PDE4B: variants seen among roughly 807,000 people sequenced by gnomAD.
PDE4B encodes 3',5'-cyclic-AMP phosphodiesterase 4B.
A neutral mutation model predicts 82.2 loss-of-function variants in PDE4B; 20 were observed. The observed-to-expected ratio is 0.24, with a 90% CI of 0.17 to 0.35. The LOEUF is 0.35. PDE4B is among the 10% of genes least tolerant of loss of function. PDE4B has a pLI of 1.00. For missense variants in PDE4B, 655 were observed against 907.2 expected (o/e 0.72, Z 3.57); for synonymous variants, 320 against 318.9 (o/e 1.00, Z -0.04).
Position 66,372,909 on chromosome 1 carries a change from C to T in PDE4B, c.*231C>T. 6.0e-6 allele frequency: 3 copies of T among 502,218 alleles called. No individual in the cohort carries two copies. Among genetic ancestry groups the T allele is most frequent in the Non-Finnish European group, 1.1e-5 (3 of 279,562 alleles). 31.1% of individuals were successfully genotyped at this position (502,218 alleles called of 1,614,324 possible). A position where few individuals can be genotyped will look rare whatever the true frequency, so the allele number is the denominator to read the frequency against. On this transcript the variant is annotated 3_prime_UTR_variant, in exon 17 of 17. Transcript: ENST00000341517. The stretch of plus-strand genomic sequence containing the variant: ...TTGGTGGAGAGGGCTGAAGCTGTTG[C>T]TGGGGGCCGATTCTGATCAAGACAC...
chr1:65,924,368 C>T (rs1214258196), intron 3 of PDE4B, among the ~76,000 whole-genome samples: 3 of 151,700 alleles, frequency 2.0e-5, no homozygotes, highest in African/African-American at 7.3e-5. Flanking sequence ...GCCACCGCGC[C>T]CGGCCGCTAA....
At position 66,372,564 on chromosome 1, in the gene PDE4B, C is replaced by T; in HGVS notation, c.2097C>T (p.His699=). The T allele has an allele frequency of 6.2e-7, 1 of 1,614,154 alleles. No individual in the cohort carries two copies. The highest frequency in any genetic ancestry group is 8.5e-7 in the Non-Finnish European group (1 of 1,180,006). ...GACCTGAGAAGGAGGGAGAGGGACA[C>T]AGCTATTTCAGCAGCACAAAGACGC... The part of the protein sequence containing the change: ...SEGPEKEGEG[H]SYFSSTKTLC... Residue 699 remains histidine (H), a synonymous_variant, in exon 17 of 17, where the codon CAC becomes CAT. Coordinates refer to ENST00000341517, the MANE Select transcript of PDE4B (RefSeq NM_002600.4).
chr1:66,248,008 C>T (rs1192196746), intron 4 of PDE4B, among the ~76,000 whole-genome samples: 1 of 152,158 alleles, frequency 6.6e-6, no homozygotes, highest in Non-Finnish European at 1.5e-5. Flanking sequence ...GCTGTGTGTG[C>T]AGTTTTCATG....
At chr1:66,284,809 A>T (rs492833) in intron 7 of PDE4B, among the ~76,000 whole-genome samples, 93,528 of 152,100 alleles carry the variant, frequency 0.61, 29,321 homozygotes, top group African/African-American at 0.7. Flanking sequence ...CTGGGCAAAG[A>T]AAAAAGGGCT....
At chr1:66,108,027 ATATATGTATCCAT>A (rs1430527562) in intron 3 of PDE4B, among the ~76,000 whole-genome samples, 16 of 151,964 alleles carry the variant, frequency 1.1e-4, no homozygotes, top group Admixed American at 7.9e-4. Flanking sequence ...TGATGTTTTG[ATATATGTATCCAT>A]TACCTCACAT....
intron 3 of PDE4B, among the ~76,000 whole-genome samples, chr1:66,052,553 G>A (rs548109482): frequency 6.7e-4 from 72 of 108,072 alleles, no homozygotes; most frequent in Admixed American, 6.2e-3. Flanking sequence ...TTCAGGGACC[G>A]AGTTTTTTTT....
chr1:65,948,811 T>C (rs1648846841), intron 3 of PDE4B, among the ~76,000 whole-genome samples: 1 of 152,038 alleles, frequency 6.6e-6, no homozygotes, highest in South Asian at 2.1e-4. Context: ...TGCAACATCT[T>C]TCTTGTTTTT....
At chr1:65,958,601 T>C (rs1461007958) in intron 3 of PDE4B, among the ~76,000 whole-genome samples, 1 of 152,134 alleles carries the variant, frequency 6.6e-6, no homozygotes, top group Non-Finnish European at 1.5e-5. Context: ...CATGGGAAGA[T>C]TTTTTAAAAC....
At chr1:66,227,414 T>C (rs920388288) in intron 3 of PDE4B, among the ~76,000 whole-genome samples, 3 of 152,238 alleles carry the variant, frequency 2.0e-5, no homozygotes, top group African/African-American at 7.2e-5. Flanking sequence ...CAGGTTAAAA[T>C]ATTATGTACC....
intron 3 of PDE4B, among the ~76,000 whole-genome samples, chr1:66,177,116 A>G (rs1646945498): frequency 6.6e-6 from 1 of 152,244 alleles, no homozygotes; most frequent in Non-Finnish European, 1.5e-5. Context: ...ACAGTGTGAC[A>G]AGGGAGGCAG....
At chr1:65,963,903 T>C (rs138250936) in intron 3 of PDE4B, among the ~76,000 whole-genome samples, 4 of 152,314 alleles carry the variant, frequency 2.6e-5, no homozygotes, top group Admixed American at 6.5e-5. Flanking sequence ...TTTCTTTACA[T>C]TTTCCTCTCT....
intron 3 of PDE4B, among the ~76,000 whole-genome samples, chr1:65,971,086 C>T (rs1650106317): frequency 6.6e-6 from 1 of 150,418 alleles, no homozygotes. Flanking sequence ...GTGACATGGT[C>T]AGGCTGTTAT....
intron 1 of PDE4B, among the ~76,000 whole-genome samples, chr1:65,898,885 C>T (rs149146446): frequency 0.014 from 2,117 of 152,206 alleles, 61 homozygotes; most frequent in African/African-American, 0.049. Context: ...ATTGTAAAAA[C>T]CCTTCTAGAC....
intron 2 of PDE4B, among the ~76,000 whole-genome samples, chr1:65,916,755 C>T (rs1210986965): frequency 6.6e-6 from 1 of 152,006 alleles, no homozygotes; most frequent in Non-Finnish European, 1.5e-5. Context: ...GACACACACA[C>T]ACATGCACAC....
intron 3 of PDE4B, among the ~76,000 whole-genome samples, chr1:66,009,907 A>ATCTATCTG (rs78361169): frequency 0.42 from 31,753 of 75,256 alleles, 3,675 homozygotes; most frequent in Admixed American, 0.46. Flanking sequence ...CTGTATCTTT[A>ATCTATCTG]TCTATCTATC....
intron 3 of PDE4B, among the ~76,000 whole-genome samples, chr1:66,148,200 G>A (rs541125283): frequency 6.6e-6 from 1 of 152,108 alleles, no homozygotes; most frequent in African/African-American, 2.4e-5. Context: ...AACCTGAGAG[G>A]CAGTGGTTGC....
chr1:65,802,593 T>C (rs1645705966), intron 1 of PDE4B, among the ~76,000 whole-genome samples: 1 of 152,184 alleles, frequency 6.6e-6, no homozygotes, highest in South Asian at 2.1e-4. Context: ...GATTCTGTTA[T>C]ATAATGAAAA....
chr1:66,240,023 C>T (rs1245309991), intron 3 of PDE4B, among the ~76,000 whole-genome samples: 1 of 152,264 alleles, frequency 6.6e-6, no homozygotes, highest in African/African-American at 2.4e-5. Context: ...CATTGGGCCT[C>T]TCCTTTGGGC....
chr1:66,089,596 T>C (rs1222419371), intron 3 of PDE4B, among the ~76,000 whole-genome samples: 9 of 152,042 alleles, frequency 5.9e-5, no homozygotes, highest in African/African-American at 2.2e-4. Flanking sequence ...ACAGAGGTTT[T>C]TTTTTCATAG....
Sources: gnomAD v4.1 joint callset for allele counts (sites outside exome capture counted in the v4.1 genomes callset) on GRCh38, gnomAD v4.1.1 for gene constraint, MANE v1.5 for transcripts, NCBI Gene and HGNC (gene_info 2026-07-23, HGNC 2026-07-21) for gene names.